Variants in CNTNAP2 observed in about 807,000 individuals in gnomAD.
CNTNAP2 encodes contactin-associated protein-like 2.
CNTNAP2 carries 98 observed loss-of-function variants against 155.2 expected under a neutral mutation model. The ratio of observed to expected loss-of-function variants is 0.63; its 90% CI spans 0.54 to 0.75. CNTNAP2 has a LOEUF of 0.75. Among genes scored for constraint, CNTNAP2 ranks in the 30% least tolerant of loss-of-function variants. The pLI, the probability that CNTNAP2 is intolerant of heterozygous loss-of-function variation, is 0.00. For missense variants in CNTNAP2, 1,727 were observed against 1,688.1 expected, an observed-to-expected ratio of 1.02 and a Z score of -0.40; for synonymous variants, 651 against 631.2, an observed-to-expected ratio of 1.03 and a Z score of -0.47.
chr7:146,596,100 C>T (rs1798854510), intron 1 of CNTNAP2, among the ~76,000 whole-genome samples: 1 of 151,970 alleles, frequency 6.6e-6, no homozygotes, highest in African/African-American at 2.4e-5. Flanking sequence ...GTCAATATAG[C>T]AGCATGCTCC....
intron 10 of CNTNAP2, among the ~76,000 whole-genome samples, chr7:147,467,942 G>T (rs1468466709): frequency 6.6e-6 from 1 of 152,052 alleles, no homozygotes; most frequent in Non-Finnish European, 1.5e-5. Context: ...GAAGAGGGAG[G>T]ATTGCTTGAG....
At chr7:146,998,824 T>C (rs957430670) in intron 3 of CNTNAP2, among the ~76,000 whole-genome samples, 2 of 152,036 alleles carry the variant, frequency 1.3e-5, no homozygotes, top group Admixed American at 6.6e-5. Context: ...TTATCTGATA[T>C]AACTATACCT....
At chr7:146,823,658 A>G (rs1354231770) in intron 2 of CNTNAP2, among the ~76,000 whole-genome samples, 1 of 151,568 alleles carries the variant, frequency 6.6e-6, no homozygotes, top group Non-Finnish European at 1.5e-5. Flanking sequence ...CAGTATATTT[A>G]AATATGAGTA....
intron 3 of CNTNAP2, among the ~76,000 whole-genome samples, chr7:146,897,583 ATT>A (rs61317689): frequency 2.0e-5 from 3 of 146,982 alleles, no homozygotes; most frequent in Non-Finnish European, 3.0e-5. Context: ...CAGTACGCAG[ATT>A]TTTTTTTTTT....
intron 1 of CNTNAP2, among the ~76,000 whole-genome samples, chr7:146,324,470 C>A (rs1203041991): frequency 6.6e-6 from 1 of 152,088 alleles, no homozygotes; most frequent in Non-Finnish European, 1.5e-5. Flanking sequence ...TCCCCTGTGT[C>A]TCCTGTTTAA....
intron 21 of CNTNAP2, among the ~76,000 whole-genome samples, chr7:148,288,968 A>T (rs10952750): frequency 1.5e-5 from 2 of 133,332 alleles, no homozygotes; most frequent in South Asian, 2.5e-4. Context: ...AAAAAAAAAA[A>T]AGAGAGAAAA....
At chr7:146,918,633 T>C (rs969958410) in intron 3 of CNTNAP2, among the ~76,000 whole-genome samples, 1 of 152,222 alleles carries the variant, frequency 6.6e-6, no homozygotes, top group African/African-American at 2.4e-5. Flanking sequence ...ATCTTGAATT[T>C]AGATAACCTG....
chr7:147,473,627 G>A (rs1798266147), intron 10 of CNTNAP2, among the ~76,000 whole-genome samples: 1 of 152,008 alleles, frequency 6.6e-6, no homozygotes, highest in African/African-American at 2.4e-5. Context: ...TGCACCTCAG[G>A]TCCTCTCCAA....
At chr7:146,851,578 C>T (rs1202440691) in intron 3 of CNTNAP2, among the ~76,000 whole-genome samples, 1 of 151,592 alleles carries the variant, frequency 6.6e-6, no homozygotes, top group Non-Finnish European at 1.5e-5. Flanking sequence ...GAGGGAACAG[C>T]CTGCTCCAGG....
chr7:147,406,564 T>A (rs149792411), intron 10 of CNTNAP2, among the ~76,000 whole-genome samples: 3 of 152,218 alleles, frequency 2.0e-5, no homozygotes, highest in African/African-American at 7.2e-5. Context: ...GTTTTTCAGA[T>A]AGCATTGTCT....
intron 1 of CNTNAP2, among the ~76,000 whole-genome samples, chr7:146,543,676 A>G (rs1383382446): frequency 6.6e-6 from 1 of 151,984 alleles, no homozygotes. Context: ...GAACAAATTC[A>G]TTGTTTCCTA....
At chr7:146,675,014 A>G (rs145140354) in intron 1 of CNTNAP2, among the ~76,000 whole-genome samples, 272 of 152,282 alleles carry the variant, frequency 1.8e-3, no homozygotes, top group African/African-American at 6.3e-3. Flanking sequence ...TCCTTATGCT[A>G]AAGTGGCATA....
intron 1 of CNTNAP2, among the ~76,000 whole-genome samples, chr7:146,503,831 A>G (rs530569497): frequency 2.7e-4 from 41 of 152,232 alleles, no homozygotes; most frequent in African/African-American, 9.9e-4. Flanking sequence ...TGTTTTGATT[A>G]CTGTCAGGTT....
At chr7:146,642,293 A>T (rs1205272427) in intron 1 of CNTNAP2, among the ~76,000 whole-genome samples, 2 of 143,836 alleles carry the variant, frequency 1.4e-5, no homozygotes, top group Non-Finnish European at 3.0e-5. Flanking sequence ...TATCTCCTAA[A>T]GCTATCCCTC....
chr7:148,069,078 G>T (rs1803325442), intron 15 of CNTNAP2, among the ~76,000 whole-genome samples: 1 of 152,130 alleles, frequency 6.6e-6, no homozygotes, highest in Non-Finnish European at 1.5e-5. Context: ...GGTTCACATT[G>T]TTTGTGTCTG....
chr7:147,693,897 G>A (rs960626873), intron 13 of CNTNAP2, among the ~76,000 whole-genome samples: 3 of 152,022 alleles, frequency 2.0e-5, no homozygotes, highest in African/African-American at 4.8e-5. Flanking sequence ...GCAGTGGTGA[G>A]AGGGGACATC....
At chr7:146,976,817 T>TTCTGTCTGC (rs1797920658) in intron 3 of CNTNAP2, among the ~76,000 whole-genome samples, 1 of 152,194 alleles carries the variant, frequency 6.6e-6, no homozygotes, top group East Asian at 1.9e-4. Context: ...AGCCTGTCTG[T>TTCTGTCTGC]TCTGTCTGCT....
intron 12 of CNTNAP2, among the ~76,000 whole-genome samples, chr7:147,634,930 G>T (rs28610070): frequency 6.6e-6 from 1 of 151,972 alleles, no homozygotes; most frequent in African/African-American, 2.4e-5. Flanking sequence ...GTCACTCAGT[G>T]GACTCTTTGT....
chr7:146,587,188 G>T (rs1380419559), intron 1 of CNTNAP2, among the ~76,000 whole-genome samples: 2 of 152,054 alleles, frequency 1.3e-5, no homozygotes, highest in South Asian at 2.1e-4. Flanking sequence ...ATATTGCCAG[G>T]CCGTTCCTTT....
Sources: gnomAD v4.1 joint callset for allele counts (sites outside exome capture counted in the v4.1 genomes callset) on GRCh38, gnomAD v4.1.1 for gene constraint, MANE v1.5 for transcripts, NCBI Gene and HGNC (gene_info 2026-07-23, HGNC 2026-07-21) for gene names.